The following CHFR variants were observed in gnomAD, a reference collection of about 807,000 sequenced individuals.
CHFR encodes the protein checkpoint with forkhead and ring finger domains.
CHFR carries 57 observed loss-of-function variants against 87.6 expected under a neutral mutation model. The ratio of observed to expected loss-of-function variants is 0.65; its 90% CI spans 0.53 to 0.81. CHFR has a LOEUF of 0.81. Among genes scored for constraint, CHFR ranks in the 30% least tolerant of loss-of-function variants. The probability of loss-of-function intolerance (pLI) is 0.00; values close to 1 mark genes in which losing one functional copy is unlikely to be tolerated. For synonymous variants in CHFR, 381 were observed against 359.2 expected (o/e 1.06, Z -0.69); for missense variants, 797 against 865.8 (o/e 0.92, Z 1.00).
rs145658744 is a variant in CHFR, at chr12:132,859,938, G to A, written c.752-711C>T. ...CGTGCACCTGTGGTCTCAGCTACTC[G>A]GAAGGCTGAGGTGGGAGGACAGTCT... is the stretch of plus-strand genomic sequence containing the variant. On this transcript the variant is annotated intron_variant, in intron 7 of 17. Transcript: ENST00000450056. Among the ~76,000 whole-genome samples the A allele has an allele frequency of 8.5e-5, 13 of 152,206 alleles. No homozygotes were observed. In the East Asian group the frequency reaches 1.7e-3, roughly 20 times the overall value.
At chr12:132,876,705 T>C (rs550995416) in intron 3 of CHFR, among the ~76,000 whole-genome samples, 1 of 152,154 alleles carries the variant, frequency 6.6e-6, no homozygotes, top group Admixed American at 6.5e-5. Flanking sequence ...CACCAAAGTG[T>C]CACTAAGTGT....
chr12:132,835,464 G>A lies in CHFR; in HGVS notation c.*6090C>T, dbSNP rs778731139. 2 of 154,138 alleles carry A rather than the reference G, an allele frequency of 1.3e-5. No homozygotes were observed. The highest frequency in any genetic ancestry group is 2.9e-5 in the Non-Finnish European group (2 of 69,416). The allele number at this position is 154,138 out of a possible 1,614,324, so 9.5% of individuals were successfully genotyped here. A position where few individuals can be genotyped will look rare whatever the true frequency, so the allele number is the denominator to read the frequency against. On this transcript the variant is annotated 3_prime_UTR_variant, in exon 18 of 18. Transcript: ENST00000450056. ...ATATCGTTCCAGTTTTAGTAGGTGT[G>A]GTCTTTAAAGAGGTGATTAAGATAA...
intron 12 of CHFR, among the ~76,000 whole-genome samples, chr12:132,851,162 T>C (rs1439991684): frequency 1.1e-4 from 17 of 151,926 alleles, no homozygotes; most frequent in Non-Finnish European, 2.5e-4. Flanking sequence ...GGCTAATGTT[T>C]GTATTTTTTG....
intron 8 of CHFR, among the ~76,000 whole-genome samples, chr12:132,858,778 T>TA (rs1177785776): frequency 0.025 from 1,636 of 64,378 alleles, 55 homozygotes; most frequent in African/African-American, 0.086. Context: ...TTTAGAACAT[T>TA]AAAAAAAAAA....
chr12:132,864,170 T>C (rs1951279033), intron 6 of CHFR, among the ~76,000 whole-genome samples: 1 of 142,644 alleles, frequency 7.0e-6, no homozygotes, highest in Admixed American at 7.1e-5. Flanking sequence ...GTAAGTGTTA[T>C]TATTTGAAAA....
intron 11 of CHFR, 90 bp downstream of exon 11, chr12:132,853,341 G>A (rs1161601102): frequency 1.1e-5 from 15 of 1,318,322 alleles, no homozygotes; most frequent in Admixed American, 7.2e-5. Flanking sequence ...GACAGGAGGC[G>A]GGCAGAGCGC....
At chr12:132,872,451 T>C in intron 3 of CHFR, 57 bp from the exon 4 acceptor site, 1 of 1,333,938 alleles carries the variant, frequency 7.5e-7, no homozygotes, top group Non-Finnish European at 1.1e-6. Context: ...AGTTACAAGA[T>C]TTTTTTTCTA....
chr12:132,844,387 C>A (rs944749727), intron 15 of CHFR, among the ~76,000 whole-genome samples: 21 of 151,730 alleles, frequency 1.4e-4, no homozygotes, highest in African/African-American at 5.1e-4. Context: ...CGGGTTCACG[C>A]CATTCTCCTG....
Position 132,857,471 on chromosome 12 carries a change from C to G in CHFR, c.1000G>C (p.Val334Leu). ...SSLCPTCRCP[V>L]ERICKNHILN... is the part of the protein sequence containing the mutation. ...ATGTGGTTTTTACAGATCCGCTCCA[C>G]GGGACAGCGGCAGGTAGGACACAGG... The change falls in exon 9 of 18, where the codon GTG (valine) becomes CTG (leucine). Residue 334 changes from valine (V) to leucine (L), a missense_variant. Val to Leu is a conservative substitution (Grantham distance 32). Transcript: ENST00000450056. 6.2e-7 allele frequency: 1 copy of G among 1,614,186 alleles called. No homozygotes were observed. The highest frequency in any genetic ancestry group is 8.5e-7 in the Non-Finnish European group (1 of 1,180,022).
chr12:132,833,153 C>T lies in CHFR; in HGVS notation c.*8401G>A, dbSNP rs1466508. Reference sequence around the variant, plus strand: ...GATGGACCCACTGAGGTGCCTTACGCGAGCCCAGCACTATTCTGCGTGCGG... The same window carrying T: ...GATGGACCCACTGAGGTGCCTTACGTGAGCCCAGCACTATTCTGCGTGCGG... On this transcript the variant is annotated 3_prime_UTR_variant, in exon 18 of 18. Transcript: ENST00000450056. 0.27 allele frequency: 41,153 copies of T among 152,132 alleles called. 5,925 individuals are homozygous for T. The highest frequency in any genetic ancestry group is 0.44 in the Middle Eastern group (129 of 294). The allele number at this position is 152,132 out of a possible 1,614,324, so 9.4% of individuals were successfully genotyped here.
chr12:132,853,396 C>A (rs766543527), intron 11 of CHFR, 35 bp downstream of exon 11: 2 of 1,471,790 alleles, frequency 1.4e-6, no homozygotes, highest in Non-Finnish European at 1.8e-6. Context: ...AAGTGACTCA[C>A]GCGAAGGCTG....
intron 6 of CHFR, chr12:132,862,479 A>G (rs1295687903): frequency 4.6e-6 from 2 of 438,252 alleles, no homozygotes; most frequent in African/African-American, 2.1e-5. Context: ...CAGTACGAGC[A>G]TATGGTCCCA....
chr12:132,835,736 C>A lies in CHFR; in HGVS notation c.*5818G>T. On this transcript the variant is annotated 3_prime_UTR_variant, in exon 18 of 18. Coordinates refer to ENST00000450056, the MANE Select transcript of CHFR (RefSeq NM_001161346.2). Reference sequence around the variant, plus strand: ...CCTGTTCTGCGGCGTTTTGATCCAGCGGCCCAAGTGGACCCACATTCAAGG... The same window carrying A: ...CCTGTTCTGCGGCGTTTTGATCCAGAGGCCCAAGTGGACCCACATTCAAGG... The A allele has an allele frequency of 3.9e-6, 1 of 256,610 alleles. No homozygotes were observed. Among genetic ancestry groups the A allele is most frequent in the Non-Finnish European group, 7.7e-6 (1 of 129,222 alleles). The allele number at this position is 256,610 out of a possible 1,614,324, so 15.9% of individuals were successfully genotyped here. A position where few individuals can be genotyped will look rare whatever the true frequency, so the allele number is the denominator to read the frequency against.
Position 132,841,241 on chromosome 12 carries a change from G to T in CHFR, c.*313C>A. On this transcript the variant is annotated 3_prime_UTR_variant, in exon 18 of 18. Coordinates refer to ENST00000450056, the MANE Select transcript of CHFR (RefSeq NM_001161346.2). Reference sequence around the variant, plus strand: ...TGCTTTAACTGTAGTTTCGGAAAATGTACAAAAGAGCAAAACTGCCCCTCT... The same window carrying T: ...TGCTTTAACTGTAGTTTCGGAAAATTTACAAAAGAGCAAAACTGCCCCTCT... 3.4e-6 allele frequency: 1 copy of T among 296,894 alleles called. No homozygotes were observed. The highest frequency in any genetic ancestry group is 6.3e-6 in the Non-Finnish European group (1 of 159,268). 18.4% of individuals were successfully genotyped at this position (296,894 alleles called of 1,614,324 possible). A position where few individuals can be genotyped will look rare whatever the true frequency, so the allele number is the denominator to read the frequency against.
At chr12:132,857,999 C>T (rs1371566603) in intron 8 of CHFR, among the ~76,000 whole-genome samples, 4 of 152,350 alleles carry the variant, frequency 2.6e-5, no homozygotes, top group Admixed American at 2.0e-4. Context: ...ACACTCAAAA[C>T]TTGTGGGGTC....
Position 132,848,082 on chromosome 12 carries a change from T to C in CHFR, c.1647+3A>G, listed in dbSNP as rs1406676765. 1 of 1,613,906 alleles carries C rather than the reference T, an allele frequency of 6.2e-7. No homozygotes were observed. Among genetic ancestry groups the C allele is most frequent in the Non-Finnish European group, 8.5e-7 (1 of 1,180,002 alleles). On this transcript the variant is annotated splice_donor_region_variant and intron_variant, in intron 14 of 17. Coordinates refer to ENST00000450056, the MANE Select transcript of CHFR (RefSeq NM_001161346.2). ...GGCTCCCCAGCCCGCAGCGAGTCGG[T>C]ACCTTCAGGATGTCTGACTCGTAGC...
chr12:132,847,891 C>T (rs903981298), intron 14 of CHFR, 194 bp downstream of exon 14: 37 of 1,424,934 alleles, frequency 2.6e-5, no homozygotes, highest in Admixed American at 1.7e-4. Context: ...TTTTGGAATA[C>T]GGAAAAAACA....
At chr12:132,880,143 T>G (rs2137057902) in intron 2 of CHFR, among the ~76,000 whole-genome samples, 1 of 152,348 alleles carries the variant, frequency 6.6e-6, no homozygotes, top group East Asian at 1.9e-4. Context: ...AGACTCATAT[T>G]ACTTAACTGA....
intron 6 of CHFR, chr12:132,866,828 C>G (rs1951355812): frequency 6.6e-6 from 1 of 152,212 alleles, no homozygotes; most frequent in African/African-American, 2.4e-5. Flanking sequence ...TTTTAGAACA[C>G]TCTGCTCCTG....
Sources: allele counts gnomAD v4.1 joint callset (sites outside exome capture counted in the v4.1 genomes callset), GRCh38; gene constraint gnomAD v4.1.1; transcripts MANE v1.5; gene names NCBI Gene and HGNC (gene_info 2026-07-23, HGNC 2026-07-21).